SNTG1: variants seen among roughly 807,000 people sequenced by gnomAD.
SNTG1 encodes the protein syntrophin gamma 1, also known as gamma-1-syntrophin.
In SNTG1, 39 loss-of-function variants were observed where a neutral mutation model predicts 74.7. That is an observed-to-expected ratio of 0.52 (90% confidence interval 0.40 to 0.68). The LOEUF is 0.68. Ranked by LOEUF, SNTG1 falls within the 30% of genes least tolerant of loss-of-function variation. SNTG1 has a pLI of 0.00. For synonymous variants in SNTG1, 254 were observed against 217.1 expected, an observed-to-expected ratio of 1.17 and a Z score of -1.49; for missense variants, 685 against 609.5, an observed-to-expected ratio of 1.12 and a Z score of -1.30.
intron 13 of SNTG1, among the ~76,000 whole-genome samples, chr8:50,597,550 C>CATGGTCTTTTG (rs769520558): frequency 3.3e-5 from 5 of 151,580 alleles, no homozygotes; most frequent in Non-Finnish European, 7.4e-5. Context: ...ATACTGATTT[C>CATGGTCTTTTG]ATGGTCTTTT....
At chr8:50,516,167 A>C (rs937078724) in intron 9 of SNTG1, among the ~76,000 whole-genome samples, 1 of 152,128 alleles carries the variant, frequency 6.6e-6, no homozygotes, top group African/African-American at 2.4e-5. Context: ...TCTGGAGTGG[A>C]CCTCCAGCAA....
intron 1 of SNTG1, among the ~76,000 whole-genome samples, chr8:50,066,662 T>C (rs1295629544): frequency 2.6e-5 from 4 of 152,242 alleles, no homozygotes; most frequent in Admixed American, 6.5e-5. Context: ...CTTTTCCATG[T>C]TCCATGTTGT....
At chr8:50,316,099 C>T (rs1432848641) in intron 2 of SNTG1, among the ~76,000 whole-genome samples, 1 of 152,094 alleles carries the variant, frequency 6.6e-6, no homozygotes, top group African/African-American at 2.4e-5. Flanking sequence ...ATTATTCTTT[C>T]ATTTATATTT....
intron 12 of SNTG1, among the ~76,000 whole-genome samples, chr8:50,553,999 T>C (rs2094441575): frequency 6.6e-6 from 1 of 152,118 alleles, no homozygotes; most frequent in Non-Finnish European, 1.5e-5. Flanking sequence ...AGGAGTCTAA[T>C]ATACAAATGA....
intron 4 of SNTG1, among the ~76,000 whole-genome samples, chr8:50,409,872 A>G (rs752687674): frequency 2.6e-5 from 4 of 152,256 alleles, no homozygotes; most frequent in African/African-American, 4.8e-5. Context: ...AAAAGATACG[A>G]AAACCATGAA....
rs551451312 is a variant in SNTG1, at chr8:50,563,131, A to C, written c.810+9952A>C. Among the ~76,000 whole-genome samples, 2 of 152,256 alleles carry C rather than the reference A, an allele frequency of 1.3e-5. 1 individual carries two copies. The highest frequency in any genetic ancestry group is 4.1e-4 in the South Asian group (2 of 4,822). The stretch of plus-strand genomic sequence containing the variant: ...TGTCAGGCAGTCACAACTGAGAAAG[A>C]CGGCAACTGATCCCTGAGAGTGTCT... On this transcript the variant is annotated intron_variant, in intron 12 of 18. Transcript: ENST00000642720.
chr8:49,946,573 C>A (rs1391328633), intron 1 of SNTG1, among the ~76,000 whole-genome samples: 1 of 152,048 alleles, frequency 6.6e-6, no homozygotes, highest in African/African-American at 2.4e-5. Flanking sequence ...TCAGAATATT[C>A]TTTTCTTTAC....
intron 2 of SNTG1, among the ~76,000 whole-genome samples, chr8:50,301,867 T>TTG (rs35230024): frequency 0.47 from 71,235 of 151,438 alleles, 19,360 homozygotes; most frequent in East Asian, 0.83. Flanking sequence ...TTTTTGTTTT[T>TTG]TTTTTTTGAG....
chr8:50,578,518 A>C (rs995792442), intron 12 of SNTG1, among the ~76,000 whole-genome samples: 1 of 152,142 alleles, frequency 6.6e-6, no homozygotes, highest in Non-Finnish European at 1.5e-5. Flanking sequence ...TTGGTGGGTG[A>C]TATGATTTGG....
At chr8:50,546,993 G>A (rs2094392799) in intron 11 of SNTG1, among the ~76,000 whole-genome samples, 1 of 152,120 alleles carries the variant, frequency 6.6e-6, no homozygotes, top group Non-Finnish European at 1.5e-5. Flanking sequence ...ATGTTGGCCA[G>A]GCTGGTCTCG....
chr8:50,552,986 A>AGTATCTG, intron 11 of SNTG1, 64 bp from the exon 12 acceptor site: 1 of 1,591,776 alleles, frequency 6.3e-7, no homozygotes, highest in Non-Finnish European at 8.6e-7. Context: ...AACAGATACT[A>AGTATCTG]TTACGAGCTG....
chr8:50,590,634 TA>T (rs149685632), intron 12 of SNTG1, among the ~76,000 whole-genome samples: 3,478 of 152,182 alleles, frequency 0.023, 128 homozygotes, highest in African/African-American at 0.079. Flanking sequence ...TTCTCTGAGT[TA>T]AAAAAATTTT....
chr8:50,691,165 T>A (rs932419347), intron 15 of SNTG1, among the ~76,000 whole-genome samples: 2 of 152,216 alleles, frequency 1.3e-5, no homozygotes, highest in African/African-American at 2.4e-5. Flanking sequence ...ATGGGTTTCC[T>A]GAATACAGCA....
intron 2 of SNTG1, among the ~76,000 whole-genome samples, chr8:50,196,721 C>G (rs1484310930): frequency 1.3e-5 from 2 of 151,422 alleles, no homozygotes; most frequent in Non-Finnish European, 2.9e-5. Context: ...CTTCGAGAAG[C>G]TGAGGCCGGT....
intron 1 of SNTG1, among the ~76,000 whole-genome samples, chr8:50,130,907 T>C (rs1414325616): frequency 6.6e-6 from 1 of 152,134 alleles, no homozygotes; most frequent in South Asian, 2.1e-4. Context: ...ACATTTGAGC[T>C]CTTTGTTCTG....
At chr8:50,593,312 A>G (rs1380084268) in intron 13 of SNTG1, among the ~76,000 whole-genome samples, 3 of 152,160 alleles carry the variant, frequency 2.0e-5, no homozygotes, top group Non-Finnish European at 4.4e-5. Flanking sequence ...CAGAATGCAT[A>G]AGGCTTTCAG....
At chr8:50,635,481 G>C (rs1387456438) in intron 13 of SNTG1, among the ~76,000 whole-genome samples, 1 of 152,182 alleles carries the variant, frequency 6.6e-6, no homozygotes, top group East Asian at 1.9e-4. Flanking sequence ...CTCTACGGCA[G>C]CTGAGCCAGC....
intron 2 of SNTG1, among the ~76,000 whole-genome samples, chr8:50,357,721 C>T (rs1179269318): frequency 1.3e-5 from 2 of 152,134 alleles, no homozygotes; most frequent in African/African-American, 4.8e-5. Flanking sequence ...TAGAATATTT[C>T]TCAGTAGACT....
chr8:50,737,559 T>G (rs1244479489), intron 17 of SNTG1, among the ~76,000 whole-genome samples: 1 of 152,160 alleles, frequency 6.6e-6, no homozygotes, highest in East Asian at 1.9e-4. Context: ...ACTCATTTTA[T>G]GAGGCCAGCA....
Sources: gnomAD v4.1 joint callset for allele counts (sites outside exome capture counted in the v4.1 genomes callset) on GRCh38, gnomAD v4.1.1 for gene constraint, MANE v1.5 for transcripts, NCBI Gene and HGNC (gene_info 2026-07-23, HGNC 2026-07-21) for gene names.